SEL1L: variants seen among roughly 807,000 people sequenced by gnomAD.
SEL1L encodes protein sel-1 homolog 1.
In SEL1L, 52 loss-of-function variants were observed where a neutral mutation model predicts 109.8. The observed-to-expected ratio is 0.47, with a 90% confidence interval of 0.38 to 0.60. The LOEUF is 0.60. SEL1L is among the 20% of genes least tolerant of loss of function. The pLI is 0.00. For synonymous variants in SEL1L, 373 were observed against 339.6 expected (o/e 1.10, Z -1.08); for missense variants, 749 against 962.2 (o/e 0.78, Z 2.93).
At chr14:81,497,186 G>A (rs944501616) in intron 10 of SEL1L, among the ~76,000 whole-genome samples, 1 of 148,936 alleles carries the variant, frequency 6.7e-6, no homozygotes, top group African/African-American at 2.6e-5. Flanking sequence ...TTAGATCTAC[G>A]TTTCACTACG....
intron 3 of SEL1L, among the ~76,000 whole-genome samples, chr14:81,523,283 C>T (rs928950611): frequency 6.6e-6 from 1 of 152,048 alleles, no homozygotes; most frequent in Non-Finnish European, 1.5e-5. Flanking sequence ...TAAATCAACG[C>T]GCAATGATTT....
intron 16 of SEL1L, 29 bp downstream of exon 16, chr14:81,487,361 T>C: frequency 6.5e-7 from 1 of 1,547,264 alleles, no homozygotes; most frequent in Non-Finnish European, 8.6e-7. Flanking sequence ...ATCAACTCCC[T>C]ACACACAAGC....
intron 5 of SEL1L, 110 bp downstream of exon 5, chr14:81,504,091 T>TA (rs1481852472): frequency 8.8e-6 from 5 of 571,126 alleles, no homozygotes; most frequent in African/African-American, 1.9e-5. Context: ...TAATGGAACT[T>TA]AAAAAAATCT....
intron 3 of SEL1L, among the ~76,000 whole-genome samples, chr14:81,509,972 C>T (rs1383434055): frequency 6.6e-6 from 1 of 152,162 alleles, no homozygotes; most frequent in African/African-American, 2.4e-5. Flanking sequence ...AGCCATTAAA[C>T]GAAAACCGGG....
At chr14:81,516,922 T>G (rs1884723950) in intron 3 of SEL1L, among the ~76,000 whole-genome samples, 1 of 152,210 alleles carries the variant, frequency 6.6e-6, no homozygotes. Context: ...CTTTGTCCCC[T>G]TTTGCTGTAA....
intron 13 of SEL1L, 92 bp from the exon 14 acceptor site, chr14:81,489,406 A>G: frequency 9.6e-7 from 1 of 1,041,858 alleles, no homozygotes; most frequent in Admixed American, 2.1e-5. Context: ...ATTTATAAGC[A>G]TATTCAAAAA....
Position 81,504,325 on chromosome 14 carries a change from A to G in SEL1L, c.509-19T>C, listed in dbSNP as rs779136749. ...TCTTCAGCTAAAAACAAAACGTCAG[A>G]TGCATTTAAATGGATTTTAATTCTA... On this transcript the variant is annotated intron_variant, in intron 4 of 20. Transcript: ENST00000336735. 1.3e-6 allele frequency: 2 copies of G among 1,506,654 alleles called. No homozygotes were observed. The highest frequency in any genetic ancestry group is 1.2e-5 in the South Asian group (1 of 80,984). The allele number at this position is 1,506,654 out of a possible 1,614,324, so 93.3% of individuals were successfully genotyped here. A position where few individuals can be genotyped will look rare whatever the true frequency, so the allele number is the denominator to read the frequency against.
At chr14:81,498,670 A>G (rs1883881894) in intron 8 of SEL1L, 176 bp from the exon 9 acceptor site, 1 of 545,782 alleles carries the variant, frequency 1.8e-6, no homozygotes, top group Non-Finnish European at 3.3e-6. Flanking sequence ...AACTTCAACA[A>G]GAAGGCCATA....
intron 3 of SEL1L, among the ~76,000 whole-genome samples, chr14:81,524,832 C>T (rs1885052880): frequency 1.3e-5 from 2 of 152,070 alleles, no homozygotes; most frequent in South Asian, 4.1e-4. Context: ...CAAGGTCATG[C>T]CATTGCACTC....
intron 11 of SEL1L, among the ~76,000 whole-genome samples, chr14:81,494,708 G>A (rs535079555): frequency 2.0e-5 from 3 of 152,198 alleles, no homozygotes; most frequent in Admixed American, 6.5e-5. Flanking sequence ...CCTGGCAAGC[G>A]GTACCTCCTA....
intron 19 of SEL1L, among the ~76,000 whole-genome samples, chr14:81,483,395 C>T (rs1903419449): frequency 6.6e-6 from 1 of 152,088 alleles, no homozygotes; most frequent in South Asian, 2.1e-4. Context: ...ACACTTAGAT[C>T]ACTGGTAATA....
chr14:81,496,061 C>T (rs1024290171), intron 10 of SEL1L, among the ~76,000 whole-genome samples: 3 of 152,076 alleles, frequency 2.0e-5, no homozygotes, highest in African/African-American at 7.2e-5. Context: ...CGGTGCCTCA[C>T]GCCTGTAATC....
chr14:81,507,581 A>C (rs764518523), intron 3 of SEL1L, among the ~76,000 whole-genome samples: 2 of 150,848 alleles, frequency 1.3e-5, no homozygotes, highest in South Asian at 4.2e-4. Flanking sequence ...ACAAACAAAA[A>C]ACAAAGAAAA....
intron 3 of SEL1L, among the ~76,000 whole-genome samples, chr14:81,508,303 T>C (rs188583767): frequency 6.6e-6 from 1 of 152,270 alleles, no homozygotes; most frequent in East Asian, 1.9e-4. Flanking sequence ...CTTTGCTTTG[T>C]CTATGTTTTA....
intron 3 of SEL1L, among the ~76,000 whole-genome samples, chr14:81,518,059 T>G (rs1256510665): frequency 6.6e-6 from 1 of 152,028 alleles, no homozygotes; most frequent in Admixed American, 6.6e-5. Flanking sequence ...ACCTAGCTAA[T>G]TTTTTATATT....
At chr14:81,478,392 C>A (rs956381337) in intron 20 of SEL1L, among the ~76,000 whole-genome samples, 46 of 151,902 alleles carry the variant, frequency 3.0e-4, no homozygotes, top group African/African-American at 1.1e-3. Flanking sequence ...GATTATGGGG[C>A]GTTTTTACTG....
In SEL1L at chr14:81,527,076, G is replaced by A. The variant is rs1813011693; in HGVS notation, c.109-112C>T. ...CACATCTCCTTCAGCTCCTTGAAGT[G>A]CCACACTCACTCATCTCTATAGGCT... On this transcript the variant is annotated intron_variant, in intron 2 of 20. Coordinates refer to ENST00000336735, the MANE Select transcript of SEL1L (RefSeq NM_005065.6). The A allele has an allele frequency of 9.2e-6, 7 of 756,924 alleles. 1 individual carries two copies. In the South Asian group the frequency reaches 1.1e-4, roughly 12 times the overall value. The allele number at this position is 756,924 out of a possible 1,614,324, so 46.9% of individuals were successfully genotyped here. A position where few individuals can be genotyped will look rare whatever the true frequency, so the allele number is the denominator to read the frequency against.
At position 81,477,106 on chromosome 14, in the gene SEL1L, T is replaced by C. The variant is rs755140043; in HGVS notation, c.2251A>G (p.Ile751Val). Residue 751 changes from isoleucine (I) to valine (V), a missense_variant, in exon 21 of 21, where the codon ATT (isoleucine) becomes GTT (valine). Ile to Val is a conservative substitution (Grantham distance 29, BLOSUM62 3). Transcript: ENST00000336735. ...ATGACTGTTCCCAACAGCAGCGCAA[T>C]GATGGTCATGAGGTAAAGGTCCCAC... The part of the protein sequence containing the change: ...PEWDLYLMTI[I>V]ALLLGTVIAY... The C allele has an allele frequency of 1.9e-6, 3 of 1,614,096 alleles. No homozygotes were observed. Among genetic ancestry groups the C allele is most frequent in the South Asian group, 2.2e-5 (2 of 91,068 alleles).
chr14:81,508,553 C>T (rs1884334263), intron 3 of SEL1L, among the ~76,000 whole-genome samples: 1 of 152,052 alleles, frequency 6.6e-6, no homozygotes, highest in Non-Finnish European at 1.5e-5. Context: ...TTGAGACCAG[C>T]CTGGGCAACA....
Sources: allele counts gnomAD v4.1 joint callset (sites outside exome capture counted in the v4.1 genomes callset), GRCh38; gene constraint gnomAD v4.1.1; transcripts MANE v1.5; gene names NCBI Gene and HGNC (gene_info 2026-07-23, HGNC 2026-07-21).